The following LDLRAD4 variants were observed in gnomAD, a reference collection of about 807,000 sequenced individuals.
LDLRAD4 encodes low-density lipoprotein receptor class A domain-containing protein 4.
A neutral mutation model predicts 17.0 loss-of-function variants in LDLRAD4; 5 were observed. The observed-to-expected ratio is 0.29, with a 90% confidence interval of 0.15 to 0.62. The LOEUF (loss-of-function observed/expected upper bound fraction) is 0.62, where lower values mean the gene tolerates loss of function less well. Ranked by LOEUF, LDLRAD4 falls within the 20% of genes least tolerant of loss-of-function variation. LDLRAD4 has a pLI of 0.84. For missense variants in LDLRAD4, 340 were observed against 424.7 expected, an observed-to-expected ratio of 0.80 and a Z score of 1.75; for synonymous variants, 168 against 171.8, an observed-to-expected ratio of 0.98 and a Z score of 0.17.
rs1480286753 is a variant in LDLRAD4, at chr18:13,367,683, C to T, written c.-382-19658C>T. On this transcript the variant is annotated intron_variant, in intron 1 of 5. Transcript: ENST00000359446. The surrounding 1 kb of genome is among the most constrained non-coding windows in gnomAD (Gnocchi z 4.1). ...AAGGAGTGTGCCGAGAGGGGACAGCCGGGCACGGGGGCACACGTTGTCAAG... is the reference window on the plus strand; with the variant it reads ...AAGGAGTGTGCCGAGAGGGGACAGCTGGGCACGGGGGCACACGTTGTCAAG... 6.6e-6 allele frequency among the ~76,000 whole-genome samples: 1 copy of T among 151,530 alleles called. No individual in the cohort carries two copies. The highest frequency in any genetic ancestry group is 1.5e-5 in the Non-Finnish European group (1 of 67,902).
At chr18:13,642,694 G>A in intron 4 of LDLRAD4, 3 of 1,231,580 alleles carry the variant, frequency 2.4e-6, no homozygotes, top group Non-Finnish European at 3.0e-6. Flanking sequence ...AACCCAGCCT[G>A]CCCTCATCGG....
chr18:13,434,362 A>G (rs938055680), intron 2 of LDLRAD4, among the ~76,000 whole-genome samples: 2 of 151,810 alleles, frequency 1.3e-5, no homozygotes, highest in East Asian at 1.9e-4. Context: ...TTTAAATCTT[A>G]TAGGTTATAA....
At chr18:13,601,042 T>C (rs1430900414) in intron 3 of LDLRAD4, among the ~76,000 whole-genome samples, 2 of 152,188 alleles carry the variant, frequency 1.3e-5, no homozygotes, top group East Asian at 3.9e-4. Flanking sequence ...TGGGCACCTG[T>C]TCTCCTAACC....
At chr18:13,454,360 A>G (rs2092007712) in intron 3 of LDLRAD4, among the ~76,000 whole-genome samples, 1 of 152,186 alleles carries the variant, frequency 6.6e-6, no homozygotes, top group Non-Finnish European at 1.5e-5. Context: ...ATTTAAAGGG[A>G]TGATTTAAGT....
chr18:13,533,847 A>C (rs2094164401), intron 3 of LDLRAD4, among the ~76,000 whole-genome samples: 2 of 152,232 alleles, frequency 1.3e-5, no homozygotes, highest in African/African-American at 4.8e-5. Flanking sequence ...TTCACTGAAC[A>C]GTAAAGGACC....
At chr18:13,275,717 T>C (rs1763609762), upstream of LDLRAD4, among the ~76,000 whole-genome samples, 1 of 152,182 alleles carries the variant, frequency 6.6e-6, no homozygotes, top group Admixed American at 6.5e-5. Flanking sequence ...TATCAAAACA[T>C]CTCATGTACC....
exon 6 of LDLRAD4, chr18:13,649,470 T>C (rs2149032200): frequency 6.6e-6 from 1 of 152,338 alleles, no homozygotes; most frequent in South Asian, 2.1e-4. Context: ...AAATATGTCC[T>C]CAGGCCAGAT....
chr18:13,603,018 T>A (rs1430417666), intron 3 of LDLRAD4, among the ~76,000 whole-genome samples: 1 of 152,018 alleles, frequency 6.6e-6, no homozygotes, highest in Non-Finnish European at 1.5e-5. Context: ...AAAAGAAAAG[T>A]GTTGAGGGAG....
intron 3 of LDLRAD4, among the ~76,000 whole-genome samples, chr18:13,597,698 C>A (rs898899353): frequency 6.6e-6 from 1 of 152,182 alleles, no homozygotes; most frequent in Admixed American, 6.5e-5. Context: ...TTTAGATCTA[C>A]TGTTAAGCTC....
chr18:13,304,779 G>T (rs141394589), intron 1 of LDLRAD4, among the ~76,000 whole-genome samples: 49 of 152,354 alleles, frequency 3.2e-4, no homozygotes, highest in African/African-American at 1.1e-3. Context: ...CAGACCTGAA[G>T]ATGGGAGACT....
At chr18:13,530,334 CT>C (rs1370913039) in intron 3 of LDLRAD4, among the ~76,000 whole-genome samples, 1 of 152,212 alleles carries the variant, frequency 6.6e-6, no homozygotes, top group Non-Finnish European at 1.5e-5. Flanking sequence ...AGATGGCCTC[CT>C]CCTTTTTGCT....
At position 13,426,655 on chromosome 18, in the gene LDLRAD4, G is replaced by T. The variant is rs185475373; in HGVS notation, c.41-11589G>T. 2.4e-4 allele frequency among the ~76,000 whole-genome samples: 36 copies of T among 152,320 alleles called. No homozygotes were observed. The East Asian group carries it at 5.8e-3, about 25-fold the overall frequency. On this transcript the variant is annotated intron_variant, in intron 2 of 5. Coordinates refer to ENST00000359446, the Ensembl canonical transcript of LDLRAD4. Reference sequence around the variant, plus strand: ...GCCTTGAGTGTTATCAGTTACAGGAGCCAAAAGCCATTCTTTTAAGTACCA... The same window carrying T: ...GCCTTGAGTGTTATCAGTTACAGGATCCAAAAGCCATTCTTTTAAGTACCA...
At chr18:13,495,128 A>G (rs1395222969) in intron 3 of LDLRAD4, among the ~76,000 whole-genome samples, 1 of 152,190 alleles carries the variant, frequency 6.6e-6, no homozygotes, top group African/African-American at 2.4e-5. Flanking sequence ...ACTATTCAGA[A>G]GGGCTATGCA....
intron 3 of LDLRAD4, among the ~76,000 whole-genome samples, chr18:13,581,235 CTTG>C (rs1039884590): frequency 1.2e-4 from 19 of 152,186 alleles, no homozygotes; most frequent in Non-Finnish European, 1.8e-4. Flanking sequence ...GACTATTCCA[CTTG>C]TTGTGTCATG....
chr18:13,304,695 G>T (rs1035486023), intron 1 of LDLRAD4, among the ~76,000 whole-genome samples: 1 of 152,214 alleles, frequency 6.6e-6, no homozygotes, highest in Non-Finnish European at 1.5e-5. Context: ...TGGGCAATGG[G>T]CCCCATTTGT....
chr18:13,607,470 G>A (rs545950215), intron 3 of LDLRAD4, among the ~76,000 whole-genome samples: 12 of 152,204 alleles, frequency 7.9e-5, no homozygotes, highest in African/African-American at 2.6e-4. Flanking sequence ...TACATGTGCT[G>A]TATGTGCAGG....
intron 3 of LDLRAD4, chr18:13,487,402 A>G (rs1462895180): frequency 6.6e-6 from 1 of 152,266 alleles, no homozygotes; most frequent in Non-Finnish European, 1.5e-5. Context: ...TGGCCAGACC[A>G]GGAAGGGCTG....
At chr18:13,520,379 T>G (rs2093934666) in intron 3 of LDLRAD4, 1 of 152,140 alleles carries the variant, frequency 6.6e-6, no homozygotes, top group Non-Finnish European at 1.5e-5. Context: ...AAATTGTACT[T>G]TACATATCTT....
chr18:13,579,561 G>A (rs1328385637), intron 3 of LDLRAD4, among the ~76,000 whole-genome samples: 1 of 152,206 alleles, frequency 6.6e-6, no homozygotes, highest in Non-Finnish European at 1.5e-5. Context: ...CTTGGCTGGT[G>A]ATTGGCATGG....
Sources: allele counts gnomAD v4.1 joint callset (sites outside exome capture counted in the v4.1 genomes callset), GRCh38; gene constraint gnomAD v4.1.1; non-coding constraint Gnocchi (gnomAD v3.1); transcripts MANE v1.5; gene names NCBI Gene and HGNC (gene_info 2026-07-23, HGNC 2026-07-21).